Variants in GABBR2 observed in about 807,000 individuals in gnomAD.
GABBR2 encodes gamma-aminobutyric acid type B receptor subunit 2.
GABBR2 carries 23 observed loss-of-function variants against 105.6 expected under a neutral mutation model. The ratio of observed to expected loss-of-function variants is 0.22; its 90% confidence interval spans 0.16 to 0.31. The LOEUF (loss-of-function observed/expected upper bound fraction) is 0.31, where lower values mean the gene tolerates loss of function less well. Ranked by LOEUF, GABBR2 falls within the 10% of genes least tolerant of loss-of-function variation. The pLI is 1.00. For missense variants in GABBR2, 734 were observed against 1,245.5 expected, an observed-to-expected ratio of 0.59 and a Z score of 6.18; for synonymous variants, 478 against 499.7, an observed-to-expected ratio of 0.96 and a Z score of 0.58.
intron 1 of GABBR2, among the ~76,000 whole-genome samples, chr9:98,635,622 A>G (rs557350780): frequency 1.3e-5 from 2 of 152,260 alleles, no homozygotes; most frequent in South Asian, 4.2e-4. Flanking sequence ...GGCTTCTAGA[A>G]AGAGGTGTCT....
chr9:98,661,840 G>T (rs1324965786), intron 1 of GABBR2, among the ~76,000 whole-genome samples: 1 of 152,182 alleles, frequency 6.6e-6, no homozygotes, highest in Non-Finnish European at 1.5e-5. Flanking sequence ...GAGCTGTTCT[G>T]GTCTAGGTTA....
At chr9:98,436,930 A>G (rs1825936939) in intron 7 of GABBR2, among the ~76,000 whole-genome samples, 1 of 152,092 alleles carries the variant, frequency 6.6e-6, no homozygotes, top group South Asian at 2.1e-4. Flanking sequence ...TGGCACTCAC[A>G]TGGGTCGGTG....
At chr9:98,647,394 C>A (rs1830039183) in intron 1 of GABBR2, among the ~76,000 whole-genome samples, 1 of 152,220 alleles carries the variant, frequency 6.6e-6, no homozygotes, top group Non-Finnish European at 1.5e-5. Context: ...AAGCCCAGCC[C>A]AGGAAATGCG....
intron 7 of GABBR2, among the ~76,000 whole-genome samples, chr9:98,423,253 C>T (rs1327518673): frequency 6.6e-6 from 1 of 152,204 alleles, no homozygotes; most frequent in Non-Finnish European, 1.5e-5. Context: ...TCCTATTTCT[C>T]CACATCCTCT....
chr9:98,651,486 G>A (rs971986146), intron 1 of GABBR2, among the ~76,000 whole-genome samples: 2 of 152,120 alleles, frequency 1.3e-5, no homozygotes, highest in Admixed American at 6.5e-5. Context: ...CAAGGCTAGA[G>A]TGCAGTGGCA....
intron 3 of GABBR2, among the ~76,000 whole-genome samples, chr9:98,527,106 A>ATG (rs1827977085): frequency 6.8e-6 from 1 of 146,826 alleles, no homozygotes; most frequent in African/African-American, 2.5e-5. Context: ...TAATATATAT[A>ATG]TTATATATAT....
chr9:98,503,540 G>A (rs1379212009), intron 3 of GABBR2, among the ~76,000 whole-genome samples: 1 of 152,136 alleles, frequency 6.6e-6, no homozygotes, highest in Non-Finnish European at 1.5e-5. Context: ...TGGTCCGGGA[G>A]AGGGATTCTG....
At chr9:98,417,038 C>T (rs1048413320) in intron 7 of GABBR2, among the ~76,000 whole-genome samples, 1 of 152,202 alleles carries the variant, frequency 6.6e-6, no homozygotes, top group South Asian at 2.1e-4. Context: ...CGGCTCCTTC[C>T]TCCACACCCT....
rs1588091423 is a variant in GABBR2, at chr9:98,306,562, G to A, written c.2005-217C>T. 1.7e-6 allele frequency: 1 copy of A among 586,148 alleles called. No individual in the cohort carries two copies. The highest frequency in any genetic ancestry group is 4.6e-4 in the Middle Eastern group (1 of 2,174). The allele number at this position is 586,148 out of a possible 1,614,324, so 36.3% of individuals were successfully genotyped here. A position where few individuals can be genotyped will look rare whatever the true frequency, so the allele number is the denominator to read the frequency against. ...CTGAGCAAATGCAGACTGGGGATGT[G>A]ACAGCTGTCCAGTTCTCCTGCACCC... On this transcript the variant is annotated intron_variant, in intron 14 of 18. Coordinates refer to ENST00000259455, the MANE Select transcript of GABBR2 (RefSeq NM_005458.8). This position sits in a 1 kb window ranked among gnomAD's most constrained non-coding sequence, Gnocchi z 5.4.
chr9:98,322,924 C>G (rs748359683), intron 13 of GABBR2, among the ~76,000 whole-genome samples: 1 of 152,102 alleles, frequency 6.6e-6, no homozygotes, highest in Non-Finnish European at 1.5e-5. Flanking sequence ...TCTGTACTTC[C>G]TCTGACCCCC....
At chr9:98,603,857 T>G (rs573472205) in intron 1 of GABBR2, among the ~76,000 whole-genome samples, 1 of 152,294 alleles carries the variant, frequency 6.6e-6, no homozygotes, top group South Asian at 2.1e-4. Context: ...TAGAGCAGCA[T>G]GGAGCAACAG....
At chr9:98,460,346 G>A (rs1047339887) in intron 6 of GABBR2, among the ~76,000 whole-genome samples, 2 of 152,034 alleles carry the variant, frequency 1.3e-5, no homozygotes, top group African/African-American at 4.8e-5. Flanking sequence ...GCTGCACTCT[G>A]GCCTCGGTGA....
intron 3 of GABBR2, among the ~76,000 whole-genome samples, chr9:98,533,145 G>A (rs911785246): frequency 5.9e-5 from 9 of 152,238 alleles, no homozygotes; most frequent in African/African-American, 2.2e-4. Flanking sequence ...CCTTTGCAAC[G>A]ATCCCCCCTT....
intron 1 of GABBR2, among the ~76,000 whole-genome samples, chr9:98,614,049 T>C (rs1437787717): frequency 6.6e-6 from 1 of 152,158 alleles, no homozygotes; most frequent in African/African-American, 2.4e-5. Context: ...GAGAATGATA[T>C]TGAATAGCAA....
chr9:98,546,824 G>C (rs1339386016), intron 2 of GABBR2, among the ~76,000 whole-genome samples: 1 of 57,622 alleles, frequency 1.7e-5, no homozygotes, highest in Non-Finnish European at 4.6e-5. Context: ...GTTCCCGCTG[G>C]TTTTCAACTT....
chr9:98,514,490 T>TC (rs1187234185), intron 3 of GABBR2, among the ~76,000 whole-genome samples: 2 of 150,660 alleles, frequency 1.3e-5, no homozygotes, highest in African/African-American at 2.4e-5. Context: ...TGAGTTCATG[T>TC]CCTTTGCAGG....
At chr9:98,450,145 A>G (rs890175062) in intron 7 of GABBR2, among the ~76,000 whole-genome samples, 1 of 152,230 alleles carries the variant, frequency 6.6e-6, no homozygotes, top group Non-Finnish European at 1.5e-5. Flanking sequence ...TATAGTAAAC[A>G]TGCTAAATGA....
intron 7 of GABBR2, among the ~76,000 whole-genome samples, chr9:98,441,741 T>C (rs908025580): frequency 6.6e-6 from 1 of 152,226 alleles, no homozygotes; most frequent in Non-Finnish European, 1.5e-5. Context: ...TGGTGATGCT[T>C]GTATAACATG....
Position 98,306,234 on chromosome 9 carries a change from C to T in GABBR2, c.2116G>A (p.Gly706Arg). The T allele has an allele frequency of 1.2e-6, 2 of 1,614,068 alleles. No individual in the cohort carries two copies. Among genetic ancestry groups the T allele is most frequent in the Non-Finnish European group, 1.7e-6 (2 of 1,179,974 alleles). ...CGGGTCAGGAAGGAGACAGCGGCCCCGATGATGCACATGATCCCCACGTTG... is the reference window on the plus strand; with the variant it reads ...CGGGTCAGGAAGGAGACAGCGGCCCTGATGATGCACATGATCCCCACGTTG... ...VYNVGIMCII[G>R]AAVSFLTRDQ... is the part of the protein sequence containing the mutation. Residue 706 changes from glycine (G) to arginine (R), a missense_variant, in exon 15 of 19, where the codon GGG (glycine) becomes AGG (arginine). Transcript: ENST00000259455. The surrounding 1 kb of genome is among the most constrained non-coding windows in gnomAD (Gnocchi z 5.4).
Sources: allele counts gnomAD v4.1 joint callset (sites outside exome capture counted in the v4.1 genomes callset), GRCh38; gene constraint gnomAD v4.1.1; non-coding constraint Gnocchi (gnomAD v3.1); transcripts MANE v1.5; gene names NCBI Gene and HGNC (gene_info 2026-07-23, HGNC 2026-07-21).